Variants in SEZ6L observed in about 807,000 individuals in gnomAD.
The protein encoded by SEZ6L is seizure 6-like protein.
In SEZ6L, 37 loss-of-function variants were observed where a neutral mutation model predicts 106.2. That is an observed-to-expected ratio of 0.35 (90% CI 0.27 to 0.46). The LOEUF (loss-of-function observed/expected upper bound fraction) is 0.46, where lower values mean the gene tolerates loss of function less well. Among genes scored for constraint, SEZ6L ranks in the 20% least tolerant of loss-of-function variants. The pLI is 1.00. For synonymous variants in SEZ6L, 541 were observed against 570.4 expected (o/e 0.95, Z 0.73); for missense variants, 1,172 against 1,332.8 (o/e 0.88, Z 1.88).
intron 7 of SEZ6L, among the ~76,000 whole-genome samples, chr22:26,311,163 C>G (rs1194467198): frequency 6.6e-6 from 1 of 152,158 alleles, no homozygotes; most frequent in East Asian, 1.9e-4. Flanking sequence ...GTTTAAGACA[C>G]TTGGGTGACC....
intron 1 of SEZ6L, among the ~76,000 whole-genome samples, chr22:26,257,393 C>G (rs980954722): frequency 5.3e-5 from 8 of 152,094 alleles, no homozygotes; most frequent in African/African-American, 1.9e-4. Context: ...AGAAAACAAG[C>G]CGCAAAAATG....
At chr22:26,194,456 A>T (rs142543936) in intron 1 of SEZ6L, among the ~76,000 whole-genome samples, 1 of 152,318 alleles carries the variant, frequency 6.6e-6, no homozygotes, top group African/African-American at 2.4e-5. Flanking sequence ...TTACCCCTGA[A>T]TTCAGAAAGC....
chr22:26,361,868 G>A (rs1181349578), intron 12 of SEZ6L, among the ~76,000 whole-genome samples: 2 of 152,142 alleles, frequency 1.3e-5, no homozygotes. Flanking sequence ...CACCTACCCT[G>A]TACCAGGTTG....
At chr22:26,318,056 C>CATTTTATTTTATTTT (rs71192913) in intron 9 of SEZ6L, among the ~76,000 whole-genome samples, 2,261 of 146,698 alleles carry the variant, frequency 0.015, 30 homozygotes, top group African/African-American at 0.029. Context: ...ATTCAATTTC[C>CATTTTATTTTATTTT]ATTTTATTTT....
chr22:26,250,893 C>T (rs1157384635), intron 1 of SEZ6L, among the ~76,000 whole-genome samples: 3 of 151,992 alleles, frequency 2.0e-5, no homozygotes, highest in Admixed American at 2.0e-4. Context: ...AAACTTATTC[C>T]TAAGCATTTT....
chr22:26,218,872 A>T (rs1418193878), intron 1 of SEZ6L, among the ~76,000 whole-genome samples: 2 of 152,130 alleles, frequency 1.3e-5, no homozygotes, highest in African/African-American at 4.8e-5. Context: ...CAGGAGGTGG[A>T]GGTTGCAGTG....
At chr22:26,184,046 A>G (rs1939597622) in intron 1 of SEZ6L, among the ~76,000 whole-genome samples, 1 of 152,194 alleles carries the variant, frequency 6.6e-6, no homozygotes, top group African/African-American at 2.4e-5. Flanking sequence ...AAACTCCACC[A>G]TGGAACAGTG....
At chr22:26,272,748 A>T (rs1350230122) in intron 1 of SEZ6L, among the ~76,000 whole-genome samples, 1 of 152,220 alleles carries the variant, frequency 6.6e-6, no homozygotes. Flanking sequence ...AATTCATTTT[A>T]TTTTGTGAAA....
At chr22:26,287,491 G>A (rs1342947900) in intron 1 of SEZ6L, among the ~76,000 whole-genome samples, 1 of 151,918 alleles carries the variant, frequency 6.6e-6, no homozygotes, top group East Asian at 1.9e-4. Flanking sequence ...AATTTTAAAT[G>A]TTCTGAAAAA....
chr22:26,246,265 C>T (rs1249020710), intron 1 of SEZ6L, among the ~76,000 whole-genome samples: 1 of 152,188 alleles, frequency 6.6e-6, no homozygotes, highest in Non-Finnish European at 1.5e-5. Flanking sequence ...CACAGCCTCT[C>T]CTGTTGTAGA....
chr22:26,351,205 G>A lies in SEZ6L; in HGVS notation c.2561G>A (p.Gly854Glu), dbSNP rs1328747002. The part of the protein sequence containing the change: ...SLLTCYSRET[G>E]TPIWTSRLPH... ...CTGACCTGCTACAGCCGTGAAACAGGGACTCCCATCTGGACGTCTCGCCTG... is the reference window on the plus strand; with the variant it reads ...CTGACCTGCTACAGCCGTGAAACAGAGACTCCCATCTGGACGTCTCGCCTG... Residue 854 changes from glycine (G) to glutamate (E), a missense_variant, in exon 12 of 17, where the codon GGG (glycine) becomes GAG (glutamate). This residue lies in a region of SEZ6L where 534 missense variants were observed against 691.0 expected (regional missense o/e 0.77). Coordinates refer to ENST00000248933, the MANE Select transcript of SEZ6L (RefSeq NM_021115.5). 1 of 1,613,974 alleles carries A rather than the reference G, an allele frequency of 6.2e-7. No homozygotes were observed. The highest frequency in any genetic ancestry group is 8.5e-7 in the Non-Finnish European group (1 of 1,180,004).
intron 13 of SEZ6L, among the ~76,000 whole-genome samples, chr22:26,367,433 A>T (rs978447022): frequency 6.6e-6 from 1 of 151,838 alleles, no homozygotes; most frequent in Non-Finnish European, 1.5e-5. Flanking sequence ...AGCCTCAACC[A>T]CCTGGGCTCA....
At chr22:26,319,259 T>C (rs1037891810) in intron 9 of SEZ6L, among the ~76,000 whole-genome samples, 12 of 152,164 alleles carry the variant, frequency 7.9e-5, no homozygotes, top group African/African-American at 2.4e-4. Flanking sequence ...ACGCCACCAC[T>C]GCGTCTTCCC....
chr22:26,300,437 G>A (rs1000731390), intron 5 of SEZ6L, among the ~76,000 whole-genome samples: 1 of 152,168 alleles, frequency 6.6e-6, no homozygotes, highest in Non-Finnish European at 1.5e-5. Flanking sequence ...AGTTTGCTGA[G>A]AATGATGGTT....
intron 14 of SEZ6L, among the ~76,000 whole-genome samples, chr22:26,374,535 T>C (rs371689969): frequency 6.6e-6 from 1 of 152,322 alleles, no homozygotes; most frequent in East Asian, 1.9e-4. Context: ...TTTCTGCCTT[T>C]TGCCAACCAG....
chr22:26,273,696 T>G (rs1432923628), intron 1 of SEZ6L, among the ~76,000 whole-genome samples: 1 of 152,122 alleles, frequency 6.6e-6, no homozygotes, highest in Non-Finnish European at 1.5e-5. Flanking sequence ...AGGGTAGAGA[T>G]GATGTGTTAT....
chr22:26,254,841 A>G (rs2079752597), intron 1 of SEZ6L, among the ~76,000 whole-genome samples: 1 of 152,176 alleles, frequency 6.6e-6, no homozygotes, highest in Non-Finnish European at 1.5e-5. Context: ...GATAGTGGAC[A>G]GCTGCCAAGA....
chr22:26,338,325 A>G (rs1601539383), intron 9 of SEZ6L, among the ~76,000 whole-genome samples: 1 of 152,304 alleles, frequency 6.6e-6, no homozygotes, highest in East Asian at 1.9e-4. Flanking sequence ...GACCACTGGA[A>G]AAATTCTTTC....
chr22:26,185,912 G>A (rs898048467), intron 1 of SEZ6L, among the ~76,000 whole-genome samples: 9 of 152,126 alleles, frequency 5.9e-5, no homozygotes, highest in Non-Finnish European at 1.0e-4. Context: ...ATAGGGGTGG[G>A]AATCTACTCT....
Sources: allele counts gnomAD v4.1 joint callset (sites outside exome capture counted in the v4.1 genomes callset), GRCh38; gene constraint gnomAD v4.1.1; regional missense constraint gnomAD v4.1.1; transcripts MANE v1.5; gene names NCBI Gene and HGNC (gene_info 2026-07-23, HGNC 2026-07-21).